ELMO2: variants seen among roughly 807,000 people sequenced by gnomAD.
The protein encoded by ELMO2 is engulfment and cell motility protein 2.
ELMO2 carries 37 observed loss-of-function variants against 96.2 expected under a neutral mutation model. That is an observed-to-expected ratio of 0.38 (90% confidence interval 0.30 to 0.51). The LOEUF (loss-of-function observed/expected upper bound fraction) is 0.51. Among genes scored for constraint, ELMO2 ranks in the 20% least tolerant of loss-of-function variants. The probability of loss-of-function intolerance (pLI) is 0.88; values close to 1 mark genes in which losing one functional copy is unlikely to be tolerated. For synonymous variants in ELMO2, 315 were observed against 329.4 expected, an observed-to-expected ratio of 0.96 and a Z score of 0.47; for missense variants, 561 against 912.6, an observed-to-expected ratio of 0.61 and a Z score of 4.96.
rs754339994 is a variant in ELMO2, at chr20:46,375,680, G to C, written c.918C>G (p.Asp306Glu). The C allele has an allele frequency of 9.9e-6, 16 of 1,614,116 alleles. No individual in the cohort carries two copies. Among genetic ancestry groups the C allele is most frequent in the Non-Finnish European group, 1.4e-5 (16 of 1,179,968 alleles). The change falls in exon 12 of 22, where the codon GAC becomes GAG. Residue 306 changes from aspartate to glutamate, a missense_variant. Asp to Glu is a conservative substitution (Grantham distance 45, BLOSUM62 2). Coordinates refer to ENST00000290246, the MANE Select transcript of ELMO2 (RefSeq NM_133171.5). The surrounding 1 kb of genome is among the most constrained non-coding windows in gnomAD (Gnocchi z 4.6). ...ACTTAGCACCTACCTGGTCATTGGG[G>C]TCCATCTTGGTCATCATCCTTTCTT... ...LLEERMMTKMDPNDQAQRDII... is the reference protein window; with the variant it reads ...LLEERMMTKMEPNDQAQRDII...
chr20:46,382,174 T>A (rs1568764634), intron 10 of ELMO2: 2 of 1,289,600 alleles, frequency 1.6e-6, no homozygotes, highest in Admixed American at 4.6e-5. Flanking sequence ...CTGCAAGAGC[T>A]GGGGCCCTTT....
Position 46,376,723 on chromosome 20 carries a change from C to G in ELMO2, c.808-933G>C, listed in dbSNP as rs1230328741. 4.7e-6 allele frequency: 6 copies of G among 1,289,510 alleles called. No individual in the cohort carries two copies. In the Admixed American group the frequency reaches 1.4e-4, roughly 30 times the overall value. The allele number at this position is 1,289,510 out of a possible 1,614,324, so 79.9% of individuals were successfully genotyped here. On this transcript the variant is annotated intron_variant, in intron 11 of 21. Coordinates refer to ENST00000290246, the MANE Select transcript of ELMO2 (RefSeq NM_133171.5). Reference sequence around the variant, plus strand: ...ACCCACCATTATGAATCCTGTCCCTCTTGGTTCTTTCTTGCCCAAATGAGG... The same window carrying G: ...ACCCACCATTATGAATCCTGTCCCTGTTGGTTCTTTCTTGCCCAAATGAGG...
At chr20:46,376,904 G>C (rs1012407086) in intron 11 of ELMO2, 3 of 1,102,564 alleles carry the variant, frequency 2.7e-6, no homozygotes, top group Non-Finnish European at 3.5e-6. Flanking sequence ...TTGAAAATTT[G>C]GTTCCTTAGT....
Position 46,373,353 on chromosome 20 carries a change from T to C in ELMO2, c.1416+46A>G, listed in dbSNP as rs754091413. 1.2e-5 allele frequency: 20 copies of C among 1,609,066 alleles called. 2 individuals carry two copies. The South Asian group carries it at 2.2e-4, about 18-fold the overall frequency. On this transcript the variant is annotated intron_variant, in intron 16 of 21. Coordinates refer to ENST00000290246, the MANE Select transcript of ELMO2 (RefSeq NM_133171.5). The stretch of plus-strand genomic sequence containing the variant: ...CAGCCAGCTGTCAAAGGCTGTCGTG[T>C]GATGGTCTCCTCCCGTGGGCCTCAG...
intron 9 of ELMO2, among the ~76,000 whole-genome samples, chr20:46,383,777 C>A (rs1229438624): frequency 6.6e-6 from 1 of 152,114 alleles, no homozygotes; most frequent in Non-Finnish European, 1.5e-5. Context: ...GTCACATTAG[C>A]CAACATTTAT....
chr20:46,373,630 C>A (rs2059780799), intron 15 of ELMO2, 95 bp from the exon 16 acceptor site: 1 of 1,520,910 alleles, frequency 6.6e-7, no homozygotes, highest in Admixed American at 1.9e-5. Context: ...TCCCGAGGAA[C>A]AAAAGCAGCC....
At chr20:46,400,348 T>C (rs1273859556) in intron 1 of ELMO2, among the ~76,000 whole-genome samples, 1 of 152,180 alleles carries the variant, frequency 6.6e-6, no homozygotes, top group Non-Finnish European at 1.5e-5. Context: ...GGATAAAGGA[T>C]CTCCTTATAG....
At chr20:46,404,818 AT>A (rs1192467098) in intron 1 of ELMO2, among the ~76,000 whole-genome samples, 1 of 152,234 alleles carries the variant, frequency 6.6e-6, no homozygotes, top group African/African-American at 2.4e-5. Context: ...TGTGTTAAAT[AT>A]ATTACTAAAA....
intron 11 of ELMO2, among the ~76,000 whole-genome samples, chr20:46,379,039 C>G (rs2059910208): frequency 6.6e-6 from 1 of 152,026 alleles, no homozygotes; most frequent in African/African-American, 2.4e-5. Flanking sequence ...GTTGTCCAGG[C>G]TAGAGCGCAA....
chr20:46,370,604 T>TA, intron 19 of ELMO2, 79 bp from the exon 20 acceptor site: 1 of 1,359,560 alleles, frequency 7.4e-7, no homozygotes, highest in Non-Finnish European at 1.0e-6. Flanking sequence ...GGAAGGGAGG[T>TA]ACTGGGGCAG....
rs1280481250 is a variant in ELMO2 at position 46,392,765 on chromosome 20, C to T, written c.243+328G>A. On this transcript the variant is annotated intron_variant, in intron 6 of 21. Transcript: ENST00000290246. ...TTTCTCTAGCTAATTCTTGCTCATCCTTTAACATCTGAGCTAAGTGACGCC... is the reference window on the plus strand; with the variant it reads ...TTTCTCTAGCTAATTCTTGCTCATCTTTTAACATCTGAGCTAAGTGACGCC... Among the ~76,000 whole-genome samples the T allele has an allele frequency of 4.6e-5, 7 of 152,310 alleles. No individual in the cohort carries two copies. In the East Asian group the frequency reaches 1.4e-3, roughly 29 times the overall value.
chr20:46,393,699 G>T, intron 4 of ELMO2, 98 bp from the exon 5 acceptor site: 1 of 1,338,954 alleles, frequency 7.5e-7, no homozygotes, highest in Non-Finnish European at 1.1e-6. Context: ...GGATTGGGTG[G>T]CCTATTTGGA....
intron 11 of ELMO2, among the ~76,000 whole-genome samples, chr20:46,378,687 G>C (rs771992025): frequency 6.6e-6 from 1 of 152,234 alleles, no homozygotes; most frequent in Non-Finnish European, 1.5e-5. Context: ...AGCTTCACAA[G>C]TGCTCAGAGC....
In ELMO2 at chr20:46,371,777, C is replaced by A; in HGVS notation, c.1580+29G>T. 1 of 1,613,908 alleles carries A rather than the reference C, an allele frequency of 6.2e-7. No individual in the cohort carries two copies. Among genetic ancestry groups the A allele is most frequent in the Non-Finnish European group, 8.5e-7 (1 of 1,179,804 alleles). On this transcript the variant is annotated intron_variant, in intron 17 of 21. Coordinates refer to ENST00000290246, the MANE Select transcript of ELMO2 (RefSeq NM_133171.5). The surrounding 1 kb of genome is among the most constrained non-coding windows in gnomAD (Gnocchi z 5.9). Reference sequence around the variant, plus strand: ...AAAGCAGAGCTGGCAGCCACCTCCCCCGCCAGCCTCCCCTGAGATGGAACT... The same window carrying A: ...AAAGCAGAGCTGGCAGCCACCTCCCACGCCAGCCTCCCCTGAGATGGAACT...
chr20:46,380,434 G>C lies in ELMO2; in HGVS notation c.757-131C>G, dbSNP rs1485518218. ...AAATTTTTTTCCTCCCAAATGAAAA[G>C]TGGGTGAATGAACGAAAATCCACTG... On this transcript the variant is annotated intron_variant, in intron 10 of 21. Coordinates refer to ENST00000290246, the MANE Select transcript of ELMO2 (RefSeq NM_133171.5). 17 of 716,916 alleles carry C rather than the reference G, an allele frequency of 2.4e-5. No individual in the cohort carries two copies. The East Asian group carries it at 4.0e-4, about 17-fold the overall frequency. The allele number at this position is 716,916 out of a possible 1,614,324, so 44.4% of individuals were successfully genotyped here. A position where few individuals can be genotyped will look rare whatever the true frequency, so the allele number is the denominator to read the frequency against.
chr20:46,372,187 A>G (rs1018491925), intron 16 of ELMO2, among the ~76,000 whole-genome samples: 4 of 152,178 alleles, frequency 2.6e-5, no homozygotes, highest in Non-Finnish European at 4.4e-5. Context: ...CAATTGGTCA[A>G]TGGTGTGGGG....
chr20:46,387,250 A>C, intron 8 of ELMO2, 88 bp downstream of exon 8: 1 of 1,127,596 alleles, frequency 8.9e-7, no homozygotes, highest in Non-Finnish European at 1.3e-6. Flanking sequence ...TGATCTCACC[A>C]GAATGGCGAT....
intron 8 of ELMO2, among the ~76,000 whole-genome samples, chr20:46,386,638 T>C (rs1362953188): frequency 6.6e-6 from 1 of 152,220 alleles, no homozygotes; most frequent in Non-Finnish European, 1.5e-5. Context: ...ACACTCCCCC[T>C]AAACACACTT....
chr20:46,388,960 A>C, intron 7 of ELMO2, 79 bp downstream of exon 7: 1 of 1,469,156 alleles, frequency 6.8e-7, no homozygotes, highest in South Asian at 1.3e-5. Flanking sequence ...TATTTGACTC[A>C]AGGGAAATGA....
Sources: gnomAD v4.1 joint callset for allele counts (sites outside exome capture counted in the v4.1 genomes callset) on GRCh38, gnomAD v4.1.1 for gene constraint, Gnocchi (gnomAD v3.1) non-coding constraint, MANE v1.5 for transcripts, NCBI Gene and HGNC (gene_info 2026-07-23, HGNC 2026-07-21) for gene names.